CHCHD3: variants seen among roughly 807,000 people sequenced by gnomAD.
The protein encoded by CHCHD3 is coiled-coil-helix-coiled-coil-helix domain containing 3.
In CHCHD3, 20 loss-of-function variants were observed where a neutral mutation model predicts 38.2. The ratio of observed to expected loss-of-function variants is 0.52; its 90% CI spans 0.37 to 0.76. The LOEUF (loss-of-function observed/expected upper bound fraction) is 0.76. Ranked by LOEUF, CHCHD3 falls within the 30% of genes least tolerant of loss-of-function variation. The pLI, the probability that CHCHD3 is intolerant of heterozygous loss-of-function variation, is 0.00. For missense variants in CHCHD3, 245 were observed against 279.2 expected, an observed-to-expected ratio of 0.88 and a Z score of 0.87; for synonymous variants, 82 against 100.0, an observed-to-expected ratio of 0.82 and a Z score of 1.07.
At chr7:132,931,119 A>C (rs1198071789) in intron 4 of CHCHD3, among the ~76,000 whole-genome samples, 3 of 152,230 alleles carry the variant, frequency 2.0e-5, no homozygotes, top group African/African-American at 7.2e-5. Flanking sequence ...GAGTAACAAG[A>C]GTGACAAGTA....
chr7:132,829,673 G>A (rs532401981), intron 6 of CHCHD3, among the ~76,000 whole-genome samples: 37 of 152,338 alleles, frequency 2.4e-4, no homozygotes, highest in African/African-American at 2.2e-4. Context: ...TACGAAGGAC[G>A]TGGCCAATCT....
At chr7:132,863,648 C>T (rs530646669) in intron 5 of CHCHD3, among the ~76,000 whole-genome samples, 1 of 152,356 alleles carries the variant, frequency 6.6e-6, no homozygotes, top group African/African-American at 2.4e-5. Context: ...ACAGAATCTT[C>T]TTCCGATAGA....
intron 5 of CHCHD3, among the ~76,000 whole-genome samples, chr7:132,870,839 A>C (rs181540357): frequency 5.9e-5 from 9 of 152,312 alleles, no homozygotes; most frequent in Non-Finnish European, 2.9e-5. Context: ...CCAACCACGT[A>C]AAAACAATTT....
chr7:132,950,545 A>C (rs955708734), intron 4 of CHCHD3, among the ~76,000 whole-genome samples: 4 of 152,202 alleles, frequency 2.6e-5, no homozygotes, highest in South Asian at 4.1e-4. Flanking sequence ...CATAAGACAG[A>C]GTATGTAAGA....
intron 4 of CHCHD3, among the ~76,000 whole-genome samples, chr7:132,974,235 G>A (rs540786108): frequency 2.7e-4 from 41 of 152,166 alleles, no homozygotes; most frequent in Non-Finnish European, 1.0e-4. Context: ...ACACACTGGT[G>A]TAAACCATGG....
intron 1 of CHCHD3, among the ~76,000 whole-genome samples, chr7:133,079,854 C>A (rs966376098): frequency 4.6e-5 from 7 of 152,110 alleles, no homozygotes; most frequent in Non-Finnish European, 7.4e-5. Flanking sequence ...ATCATGAGCT[C>A]AAAGAAATCA....
chr7:133,067,428 C>T (rs991371121), intron 2 of CHCHD3, among the ~76,000 whole-genome samples: 1 of 152,110 alleles, frequency 6.6e-6, no homozygotes, highest in Admixed American at 6.5e-5. Flanking sequence ...CAAAAAGATA[C>T]ACGTCATAAG....
intron 4 of CHCHD3, among the ~76,000 whole-genome samples, chr7:132,948,794 TGAGA>T (rs1398618330): frequency 2.0e-5 from 3 of 152,154 alleles, no homozygotes; most frequent in Non-Finnish European, 4.4e-5. Context: ...GCTTAGATGC[TGAGA>T]GAGAAATTCT....
At chr7:132,891,476 T>C (rs1194550278) in intron 4 of CHCHD3, among the ~76,000 whole-genome samples, 1 of 152,212 alleles carries the variant, frequency 6.6e-6, no homozygotes, top group African/African-American at 2.4e-5. Flanking sequence ...AAGCCCATTC[T>C]TCCAATAGAC....
intron 2 of CHCHD3, among the ~76,000 whole-genome samples, chr7:133,025,031 C>G (rs1303049750): frequency 1.3e-5 from 2 of 152,106 alleles, no homozygotes; most frequent in Non-Finnish European, 2.9e-5. Flanking sequence ...CTTCTCATTT[C>G]AATAATTAAA....
intron 5 of CHCHD3, among the ~76,000 whole-genome samples, chr7:132,851,302 T>A (rs1358034322): frequency 6.6e-6 from 1 of 152,204 alleles, no homozygotes; most frequent in Admixed American, 6.5e-5. Context: ...TAAATTCTCA[T>A]CATGCATGAA....
chr7:133,053,254 G>A (rs181257907), intron 2 of CHCHD3, among the ~76,000 whole-genome samples: 20 of 152,240 alleles, frequency 1.3e-4, no homozygotes, highest in South Asian at 6.2e-4. Context: ...ATCAATATTC[G>A]TGCTCCTTTC....
intron 2 of CHCHD3, chr7:133,034,908 C>A: frequency 6.2e-7 from 1 of 1,608,794 alleles, no homozygotes; most frequent in East Asian, 2.2e-5. Context: ...GAGATTGCAG[C>A]TCATGAAGGT....
chr7:132,937,621 G>A (rs1810662661), intron 4 of CHCHD3, among the ~76,000 whole-genome samples: 1 of 152,120 alleles, frequency 6.6e-6, no homozygotes, highest in Admixed American at 6.5e-5. Flanking sequence ...CATTATAATT[G>A]TATTCATAAT....
At chr7:133,024,114 A>T (rs1481354431) in intron 3 of CHCHD3, among the ~76,000 whole-genome samples, 1 of 152,236 alleles carries the variant, frequency 6.6e-6, no homozygotes, top group Non-Finnish European at 1.5e-5. Context: ...CGTGAACAGA[A>T]TAATAATTAG....
chr7:133,025,784 G>A (rs541253275), intron 2 of CHCHD3, among the ~76,000 whole-genome samples: 14 of 152,304 alleles, frequency 9.2e-5, no homozygotes, highest in South Asian at 2.1e-4. Context: ...GATTACAGGC[G>A]TAAGCCACCA....
At chr7:133,076,992 TTACCTTTTTAAGACA>T (rs752529813) in intron 1 of CHCHD3, among the ~76,000 whole-genome samples, 2 of 152,162 alleles carry the variant, frequency 1.3e-5, no homozygotes, top group Non-Finnish European at 2.9e-5. Context: ...TGCTTCACAA[TTACCTTTTTAAGACA>T]TAGGCTCCAA....
At chr7:132,918,186 T>G (rs1810164933) in intron 4 of CHCHD3, among the ~76,000 whole-genome samples, 1 of 152,174 alleles carries the variant, frequency 6.6e-6, no homozygotes, top group African/African-American at 2.4e-5. Flanking sequence ...TCTATAGCAT[T>G]GAAAAGCCTT....
chr7:132,930,780 T>C (rs1310404159), intron 4 of CHCHD3, among the ~76,000 whole-genome samples: 1 of 152,154 alleles, frequency 6.6e-6, no homozygotes, highest in Non-Finnish European at 1.5e-5. Context: ...CCCATCGCTA[T>C]ACCTTTTCGA....
Sources: allele counts gnomAD v4.1 joint callset (sites outside exome capture counted in the v4.1 genomes callset), GRCh38; gene constraint gnomAD v4.1.1; transcripts MANE v1.5; gene names NCBI Gene and HGNC (gene_info 2026-07-23, HGNC 2026-07-21).